Variants in STX7 observed in about 807,000 individuals in gnomAD.
The protein encoded by STX7 is syntaxin-7.
STX7 carries 34 observed loss-of-function variants against 39.6 expected under a neutral mutation model. That is an observed-to-expected ratio of 0.86 (90% confidence interval 0.65 to 1.14). The LOEUF (loss-of-function observed/expected upper bound fraction) is 1.14, where lower values mean the gene tolerates loss of function less well. Among genes scored for constraint, STX7 ranks in the 50% most tolerant of loss-of-function variants. STX7 has a pLI of 0.00. For missense variants in STX7, 284 were observed against 310.4 expected (o/e 0.92, Z 0.64); for synonymous variants, 119 against 99.1 (o/e 1.20, Z -1.19).
At chr6:132,479,207 T>C (rs1774953279) in intron 2 of STX7, among the ~76,000 whole-genome samples, 1 of 152,212 alleles carries the variant, frequency 6.6e-6, no homozygotes, top group Admixed American at 6.5e-5. Context: ...CTTCCACCCT[T>C]TACTGAATGA....
Position 132,454,123 on chromosome 6 carries a change from A to G in STX7, c.*6635T>C, listed in dbSNP as rs572150037. The G allele has an allele frequency of 7.4e-4, 112 of 152,250 alleles. 1 individual carries two copies. Among genetic ancestry groups the G allele is most frequent in the African/African-American group, 2.7e-3 (111 of 41,562 alleles). The allele number at this position is 152,250 out of a possible 1,614,324, so 9.4% of individuals were successfully genotyped here. Reference sequence around the variant, plus strand: ...CCTGTCAATAGACTTGATACACATAATAAGCTGGATTAACCTCCAGAAAAT... The same window carrying G: ...CCTGTCAATAGACTTGATACACATAGTAAGCTGGATTAACCTCCAGAAAAT... On this transcript the variant is annotated 3_prime_UTR_variant, in exon 10 of 10. Coordinates refer to ENST00000367941, the MANE Select transcript of STX7 (RefSeq NM_003569.3).
At chr6:132,502,235 G>A (rs1158592322) in intron 2 of STX7, among the ~76,000 whole-genome samples, 2 of 152,172 alleles carry the variant, frequency 1.3e-5, no homozygotes, top group Non-Finnish European at 2.9e-5. Context: ...AGGAGTTAAT[G>A]ATTAGATAAA....
intron 3 of STX7, among the ~76,000 whole-genome samples, chr6:132,474,010 G>C (rs201324273): frequency 6.6e-6 from 1 of 151,454 alleles, no homozygotes; most frequent in East Asian, 1.9e-4. Context: ...TGGGTGGACT[G>C]TCTGAGCCCA....
chr6:132,484,024 T>C (rs1306224087), intron 2 of STX7, among the ~76,000 whole-genome samples: 2 of 151,570 alleles, frequency 1.3e-5, no homozygotes, highest in Non-Finnish European at 2.9e-5. Flanking sequence ...TTTCCAACCA[T>C]AAAAAGAATT....
chr6:132,474,252 T>A (rs1474033584), intron 3 of STX7, among the ~76,000 whole-genome samples: 31 of 91,150 alleles, frequency 3.4e-4, no homozygotes, highest in East Asian at 1.6e-3. Flanking sequence ...AAAAAAAAAA[T>A]CCTTAGTGAC....
rs1774261586 is a variant in STX7, at chr6:132,457,138, C to T, written c.*3620G>A. On this transcript the variant is annotated 3_prime_UTR_variant, in exon 10 of 10. Coordinates refer to ENST00000367941, the MANE Select transcript of STX7 (RefSeq NM_003569.3). ...CTGAGATCCACCCACTTTGGGGCCG[C>T]AGACACCTTCCTCACCCACCCTTTT... 6.6e-6 allele frequency: 1 copy of T among 152,336 alleles called. No individual in the cohort carries two copies. The allele number at this position is 152,336 out of a possible 1,614,324, so 9.4% of individuals were successfully genotyped here.
At position 132,479,839 on chromosome 6, in the gene STX7, A is replaced by T. The variant is rs568646273; in HGVS notation, c.86-4177T>A. Among the ~76,000 whole-genome samples the T allele has an allele frequency of 7.7e-4, 118 of 152,300 alleles. 1 individual carries two copies. Among genetic ancestry groups the T allele is most frequent in the African/African-American group, 2.8e-3 (117 of 41,558 alleles). ...TCCCAGATGCACATCCATACGCTCT[A>T]CAGAGATGATTTTACCCATTTTATT... On this transcript the variant is annotated intron_variant, in intron 2 of 9. Transcript: ENST00000367941.
intron 7 of STX7, among the ~76,000 whole-genome samples, chr6:132,469,486 T>A (rs955528006): frequency 2.0e-5 from 3 of 152,116 alleles, no homozygotes; most frequent in Admixed American, 6.5e-5. Flanking sequence ...ATTATTTTTT[T>A]AAAAAAGGAA....
rs1774741127 is a variant in STX7 at position 132,472,275 on chromosome 6, T to TGTTCAC, written c.249+6_249+7insGTGAAC. 6.2e-7 allele frequency: 1 copy of TGTTCAC among 1,608,624 alleles called. No individual in the cohort carries two copies. The highest frequency in any genetic ancestry group is 1.1e-5 in the South Asian group (1 of 90,122). On this transcript the variant is annotated splice_region_variant and intron_variant, in intron 4 of 9. Coordinates refer to ENST00000367941, the MANE Select transcript of STX7 (RefSeq NM_003569.3). The stretch of plus-strand genomic sequence containing the variant: ...ATACATCAACAATGTGTCTTAAAGC[T>TGTTCAC]TGATACCTGTTCACTGGGGGTGGTG...
rs1049911939 is a variant in STX7, at chr6:132,448,460, GCACT to G, written c.*12294_*12297del. Reference sequence around the variant, plus strand: ...TGATTTTGAAAGATAATTTCACTGGGCACTCATTCTATTGAGTTATTCTCTCAGT... The same window carrying G: ...TGATTTTGAAAGATAATTTCACTGGGCATTCTATTGAGTTATTCTCTCAGT... On this transcript the variant is annotated 3_prime_UTR_variant, in exon 10 of 10. Transcript: ENST00000367941. 2.0e-5 allele frequency: 3 copies of G among 152,050 alleles called. No individual in the cohort carries two copies. Among genetic ancestry groups the G allele is most frequent in the African/African-American group, 7.2e-5 (3 of 41,398 alleles). The allele number at this position is 152,050 out of a possible 1,614,324, so 9.4% of individuals were successfully genotyped here.
intron 9 of STX7, chr6:132,461,637 T>C (rs1774402020): frequency 1.8e-6 from 1 of 567,034 alleles, no homozygotes; most frequent in African/African-American, 1.9e-5. Flanking sequence ...GTTTCCAAAA[T>C]ACAATGATTT....
At chr6:132,462,019 C>T (rs1774419571) in intron 9 of STX7, among the ~76,000 whole-genome samples, 1 of 152,178 alleles carries the variant, frequency 6.6e-6, no homozygotes, top group Non-Finnish European at 1.5e-5. Context: ...ATACTCCTTA[C>T]GTATCAAACA....
intron 3 of STX7, among the ~76,000 whole-genome samples, chr6:132,474,115 CT>C: frequency 6.7e-6 from 1 of 150,290 alleles, no homozygotes; most frequent in African/African-American, 2.4e-5. Context: ...GTATTCCCAG[CT>C]ACACAGTAGG....
intron 5 of STX7, 132 bp downstream of exon 5, chr6:132,471,331 T>C: frequency 1.9e-6 from 2 of 1,063,064 alleles, no homozygotes; most frequent in South Asian, 4.3e-5. Context: ...AGCATAAAAA[T>C]AAATATTCAA....
intron 8 of STX7, 65 bp downstream of exon 8, chr6:132,468,338 A>G: frequency 7.9e-7 from 1 of 1,258,324 alleles, no homozygotes; most frequent in Non-Finnish European, 1.2e-6. Context: ...TCTGTGAGAA[A>G]GTTACAGCAG....
rs1774162478 is a variant in STX7 at position 132,452,884 on chromosome 6, A to AAAGTTTATACGGGAAGACAAAGG, written c.*7851_*7873dup. The AAAGTTTATACGGGAAGACAAAGG allele has an allele frequency of 6.6e-6, 1 of 152,164 alleles. No homozygotes were observed. The highest frequency in any genetic ancestry group is 6.5e-5 in the Admixed American group (1 of 15,270). 9.4% of individuals were successfully genotyped at this position (152,164 alleles called of 1,614,324 possible). ...GAATAGATACAGACAAGATTATTCC[A>AAAGTTTATACGGGAAGACAAAGG]AAGTTTATACGGGAAGACAAAGGAA... On this transcript the variant is annotated 3_prime_UTR_variant, in exon 10 of 10. Transcript: ENST00000367941.
chr6:132,457,710 ACC>A lies in STX7; in HGVS notation c.*3046_*3047del, dbSNP rs2114334756. ...CCAGGAAAGACAGATGTTATTTACC[ACC>A]AATGAATTTTTATCATATTTAAATG... On this transcript the variant is annotated 3_prime_UTR_variant, in exon 10 of 10. Transcript: ENST00000367941. The A allele has an allele frequency of 6.6e-6, 1 of 152,332 alleles. No homozygotes were observed. Among genetic ancestry groups the A allele is most frequent in the East Asian group, 1.9e-4 (1 of 5,190 alleles). The allele number at this position is 152,332 out of a possible 1,614,324, so 9.4% of individuals were successfully genotyped here.
chr6:132,475,736 T>A, intron 2 of STX7, 74 bp from the exon 3 acceptor site: 1 of 948,168 alleles, frequency 1.1e-6, no homozygotes, highest in Non-Finnish European at 1.6e-6. Context: ...AATTAATATG[T>A]ACAAGCAATT....
chr6:132,503,470 T>TAGA lies in STX7; in HGVS notation c.58_60dup (p.Ser20dup). 6.2e-7 allele frequency: 1 copy of TAGA among 1,614,074 alleles called. No individual in the cohort carries two copies. Among genetic ancestry groups the TAGA allele is most frequent in the Non-Finnish European group, 8.5e-7 (1 of 1,179,932 alleles). The stretch of plus-strand genomic sequence containing the variant: ...CAACACTGTGTGATCTTCTGGATGT[T>TAGA]AGAAGAGATCCTCTGGGCCAACTGG... On this transcript the variant is annotated inframe_insertion, in exon 2 of 10. Transcript: ENST00000367941.
Sources: allele counts gnomAD v4.1 joint callset (sites outside exome capture counted in the v4.1 genomes callset), GRCh38; gene constraint gnomAD v4.1.1; transcripts MANE v1.5; gene names NCBI Gene and HGNC (gene_info 2026-07-23, HGNC 2026-07-21).